Variants in GABRG3 observed in about 807,000 individuals in gnomAD.
GABRG3 encodes gamma-aminobutyric acid type A receptor subunit gamma3, also known as gamma-aminobutyric acid receptor subunit gamma-3.
Under a neutral mutation model 48.8 loss-of-function variants are expected in GABRG3, and 25 were observed. That is an observed-to-expected ratio of 0.51 (90% CI 0.37 to 0.72). GABRG3 has a LOEUF of 0.72. GABRG3 is among the 30% of genes least tolerant of loss of function. The probability of loss-of-function intolerance (pLI) is 0.00; values close to 1 mark genes in which losing one functional copy is unlikely to be tolerated. For synonymous variants in GABRG3, 227 were observed against 217.6 expected (o/e 1.04, Z -0.38); for missense variants, 394 against 577.9 (o/e 0.68, Z 3.26).
At chr15:27,016,326 G>T (rs1208992535) in intron 2 of GABRG3, among the ~76,000 whole-genome samples, 14 of 150,660 alleles carry the variant, frequency 9.3e-5, no homozygotes, top group African/African-American at 3.4e-4. Context: ...CTTTATCTGA[G>T]AATGTCTTAC....
intron 6 of GABRG3, among the ~76,000 whole-genome samples, chr15:27,501,116 A>T (rs535429106): frequency 2.8e-4 from 42 of 152,020 alleles, no homozygotes; most frequent in East Asian, 7.8e-4. Context: ...CACGCCCAGC[A>T]AATTTTTTGT....
intron 2 of GABRG3, among the ~76,000 whole-genome samples, chr15:27,017,322 A>C (rs770840012): frequency 1.5e-4 from 23 of 152,188 alleles, no homozygotes; most frequent in Admixed American, 2.0e-4. Flanking sequence ...CCAAGTTAAT[A>C]ATGGGTGTGT....
intron 3 of GABRG3, among the ~76,000 whole-genome samples, chr15:27,203,205 C>G (rs892569696): frequency 6.6e-6 from 1 of 152,110 alleles, no homozygotes; most frequent in Admixed American, 6.5e-5. Flanking sequence ...CCACCCTCCA[C>G]CTTCAAGTAA....
At chr15:27,089,670 T>G (rs1262198770) in intron 3 of GABRG3, among the ~76,000 whole-genome samples, 1 of 152,090 alleles carries the variant, frequency 6.6e-6, no homozygotes, top group Non-Finnish European at 1.5e-5. Flanking sequence ...CAGTGGCAGA[T>G]CATGCAGGAA....
chr15:27,155,949 C>G (rs532348459), intron 3 of GABRG3, among the ~76,000 whole-genome samples: 32 of 152,056 alleles, frequency 2.1e-4, no homozygotes, highest in Non-Finnish European at 4.3e-4. Context: ...TGAGCGAAGC[C>G]AAGTCCACCA....
chr15:27,038,275 C>T (rs991675815), intron 3 of GABRG3, among the ~76,000 whole-genome samples: 1 of 152,158 alleles, frequency 6.6e-6, no homozygotes, highest in Non-Finnish European at 1.5e-5. Context: ...CTGCTCTCTG[C>T]TTCTGTGGTA....
intron 3 of GABRG3, among the ~76,000 whole-genome samples, chr15:27,298,814 C>T (rs1892092193): frequency 6.6e-6 from 1 of 152,018 alleles, no homozygotes; most frequent in African/African-American, 2.4e-5. Context: ...TTAGGTATTT[C>T]TCCTAATGCT....
intron 3 of GABRG3, among the ~76,000 whole-genome samples, chr15:27,123,221 C>G (rs1897761461): frequency 1.3e-5 from 2 of 152,188 alleles, no homozygotes; most frequent in African/African-American, 4.8e-5. Context: ...GATGAGTTCT[C>G]ATTCTTGTAG....
Position 27,148,025 on chromosome 15 carries a change from T to C in GABRG3, c.270+121204T>C, listed in dbSNP as rs1898241304. Among the ~76,000 whole-genome samples the C allele has an allele frequency of 3.3e-5, 5 of 152,002 alleles. 1 individual carries two copies. The South Asian group carries it at 1.0e-3, about 32-fold the overall frequency. On this transcript the variant is annotated intron_variant, in intron 3 of 9. Transcript: ENST00000615808. ...ATAAAAATTTAACAAAACCAAAAGT[T>C]GTTTTTTTGAAAAGATCAACAAAAT...
intron 3 of GABRG3, among the ~76,000 whole-genome samples, chr15:27,300,497 C>G (rs1007143856): frequency 9.1e-5 from 3 of 33,092 alleles, no homozygotes; most frequent in African/African-American, 3.4e-4. Flanking sequence ...AACCCCATCT[C>G]TACTAAAAAT....
chr15:27,334,995 A>G (rs544916376), intron 5 of GABRG3, among the ~76,000 whole-genome samples: 1 of 152,362 alleles, frequency 6.6e-6, no homozygotes, highest in South Asian at 2.1e-4. Context: ...GAAATCTGAT[A>G]AGGCTTGAAT....
chr15:27,090,015 A>G (rs1897157936), intron 3 of GABRG3, among the ~76,000 whole-genome samples: 1 of 152,224 alleles, frequency 6.6e-6, no homozygotes, highest in Non-Finnish European at 1.5e-5. Context: ...ACATCGGTGT[A>G]CAAGTTTTTG....
chr15:27,081,290 AAT>A (rs773515631), intron 3 of GABRG3, among the ~76,000 whole-genome samples: 4 of 152,122 alleles, frequency 2.6e-5, no homozygotes, highest in Non-Finnish European at 5.9e-5. Context: ...AGGATCTTTT[AAT>A]TCTCATGTTT....
chr15:27,078,610 G>T (rs2140741787), intron 3 of GABRG3, among the ~76,000 whole-genome samples: 1 of 152,360 alleles, frequency 6.6e-6, no homozygotes, highest in East Asian at 1.9e-4. Flanking sequence ...CATCTCTGTA[G>T]ATGTAACACC....
At chr15:27,486,167 T>C (rs1890215158) in intron 6 of GABRG3, among the ~76,000 whole-genome samples, 1 of 152,074 alleles carries the variant, frequency 6.6e-6, no homozygotes, top group Non-Finnish European at 1.5e-5. Context: ...TAGAAGCGGC[T>C]TTGTAGTGGA....
chr15:27,519,883 T>C (rs757068573), intron 6 of GABRG3, 89 bp from the exon 7 acceptor site: 3 of 919,252 alleles, frequency 3.3e-6, no homozygotes, highest in Non-Finnish European at 4.8e-6. Flanking sequence ...ATCCAAGTCA[T>C]TCACTTAACA....
chr15:27,356,289 A>G (rs961617079), intron 5 of GABRG3, among the ~76,000 whole-genome samples: 1 of 152,158 alleles, frequency 6.6e-6, no homozygotes, highest in Admixed American at 6.5e-5. Context: ...AGAGGTCTTC[A>G]TGTGTAACCA....
chr15:27,467,198 G>A (rs1204366675), intron 5 of GABRG3, among the ~76,000 whole-genome samples: 3 of 152,120 alleles, frequency 2.0e-5, no homozygotes, highest in Admixed American at 6.6e-5. Flanking sequence ...GTCCTCACAC[G>A]GAGGGAGAAA....
At chr15:26,981,488 G>A (rs1373525407) in intron 2 of GABRG3, among the ~76,000 whole-genome samples, 2 of 152,202 alleles carry the variant, frequency 1.3e-5, no homozygotes, top group African/African-American at 4.8e-5. Context: ...TCAATGGATG[G>A]ACTGGATCCT....
Sources: gnomAD v4.1 joint callset for allele counts (sites outside exome capture counted in the v4.1 genomes callset) on GRCh38, gnomAD v4.1.1 for gene constraint, MANE v1.5 for transcripts, NCBI Gene and HGNC (gene_info 2026-07-23, HGNC 2026-07-21) for gene names.